The following PDSS2 variants were observed in gnomAD, a reference collection of about 807,000 sequenced individuals.
PDSS2 encodes the protein all trans-polyprenyl-diphosphate synthase PDSS2.
Under a neutral mutation model 44.5 loss-of-function variants are expected in PDSS2, and 31 were observed. The observed-to-expected ratio is 0.70, with a 90% CI of 0.52 to 0.94. The LOEUF is 0.94. Among genes scored for constraint, PDSS2 ranks in the 40% least tolerant of loss-of-function variants. PDSS2 has a pLI of 0.00. For missense variants in PDSS2, 452 were observed against 482.2 expected (o/e 0.94, Z 0.59); for synonymous variants, 157 against 180.3 (o/e 0.87, Z 1.03).
intron 1 of PDSS2, among the ~76,000 whole-genome samples, chr6:107,348,163 G>A (rs947004698): frequency 1.3e-5 from 2 of 152,212 alleles, no homozygotes; most frequent in Non-Finnish European, 2.9e-5. Flanking sequence ...ATGGGCAACA[G>A]GAGTGGCAGA....
intron 1 of PDSS2, among the ~76,000 whole-genome samples, chr6:107,416,060 T>C (rs1348345134): frequency 3.3e-5 from 5 of 152,214 alleles, no homozygotes; most frequent in African/African-American, 1.2e-4. Flanking sequence ...ATTAGAATTG[T>C]GCTAGTTCTT....
Position 107,459,370 on chromosome 6 carries a change from T to A in PDSS2, c.-85A>T. 1 of 1,138,920 alleles carries A rather than the reference T, an allele frequency of 8.8e-7. No homozygotes were observed. Among genetic ancestry groups the A allele is most frequent in the Non-Finnish European group, 1.3e-6 (1 of 770,228 alleles). 70.6% of individuals were successfully genotyped at this position (1,138,920 alleles called of 1,614,324 possible). A position where few individuals can be genotyped will look rare whatever the true frequency, so the allele number is the denominator to read the frequency against. On this transcript the variant is annotated 5_prime_UTR_variant, in exon 1 of 8. Coordinates refer to ENST00000369037, the MANE Select transcript of PDSS2 (RefSeq NM_020381.4). This position sits in a 1 kb window ranked among gnomAD's most constrained non-coding sequence, Gnocchi z 4.3. ...CCAGGGGCAGAGGAGGAACTTACAG[T>A]AACTAAAAGGAAGCGGCAATTCTTG...
intron 2 of PDSS2, among the ~76,000 whole-genome samples, chr6:107,304,513 A>G (rs1776795276): frequency 6.6e-6 from 1 of 152,232 alleles, no homozygotes; most frequent in African/African-American, 2.4e-5. Context: ...GCCTAGATTC[A>G]CATCCCAGCT....
intron 1 of PDSS2, among the ~76,000 whole-genome samples, chr6:107,363,965 G>C (rs1277399581): frequency 1.3e-5 from 2 of 151,922 alleles, no homozygotes; most frequent in African/African-American, 4.8e-5. Context: ...CAATCCTTGA[G>C]CTAGATACAG....
chr6:107,455,716 T>G (rs1782016474), intron 1 of PDSS2, among the ~76,000 whole-genome samples: 1 of 120,146 alleles, frequency 8.3e-6, no homozygotes, highest in South Asian at 2.7e-4. Flanking sequence ...ATCAGGCCAC[T>G]GGGCACTCCA....
In PDSS2 at chr6:107,203,947, A is replaced by ATT. The variant is rs57335281; in HGVS notation, c.1008+6490_1008+6491dup. 7.8e-3 allele frequency among the ~76,000 whole-genome samples: 1,131 copies of ATT among 144,386 alleles called. 9 individuals are homozygous for ATT. Among genetic ancestry groups the ATT allele is most frequent in the South Asian group, 0.021 (96 of 4,530 alleles). The allele number at this position is 144,386 out of a possible 152,430, so 94.7% of individuals were successfully genotyped here. On this transcript the variant is annotated intron_variant, in intron 6 of 7. Coordinates refer to ENST00000369037, the MANE Select transcript of PDSS2 (RefSeq NM_020381.4). ...CATCTGGCTTCTTTCACTTATTATA[A>ATT]TTTTTTTTTTTTTTGAGACAGAGTC... is the stretch of plus-strand genomic sequence containing the variant.
At chr6:107,429,901 A>AATATAT (rs869061691) in intron 1 of PDSS2, among the ~76,000 whole-genome samples, 61 of 31,738 alleles carry the variant, frequency 1.9e-3, no homozygotes, top group East Asian at 0.013. Flanking sequence ...AAAAAAAAAA[A>AATATAT]ATATATATAT....
In PDSS2 at chr6:107,274,207, AT is replaced by A; in HGVS notation, c.451del (p.Ile151SerfsTer4). 1.9e-6 allele frequency: 3 copies of A among 1,613,706 alleles called. No homozygotes were observed. Among genetic ancestry groups the A allele is most frequent in the Non-Finnish European group, 2.5e-6 (3 of 1,179,552 alleles). ...GAGAGCAATATGAATTAGCTCCGTG[AT>A]CTCTGCCAAACTTCTTTGACTAAAA... ...IYSCQRSLAE[I>X]TELIHIALLV... On this transcript the variant is annotated frameshift_variant, in exon 3 of 8. Coordinates refer to ENST00000369037, the MANE Select transcript of PDSS2 (RefSeq NM_020381.4). LOFTEE classifies it high-confidence loss of function.
At chr6:107,314,758 T>C (rs1163291328) in intron 2 of PDSS2, among the ~76,000 whole-genome samples, 2 of 152,220 alleles carry the variant, frequency 1.3e-5, no homozygotes, top group Non-Finnish European at 2.9e-5. Flanking sequence ...AGTTGCATTT[T>C]ATTTTACAGT....
chr6:107,453,695 G>A (rs141688472), intron 1 of PDSS2, among the ~76,000 whole-genome samples: 2 of 152,100 alleles, frequency 1.3e-5, no homozygotes, highest in African/African-American at 4.8e-5. Context: ...ATCCTAAAAT[G>A]TTCTAGTTTT....
intron 1 of PDSS2, among the ~76,000 whole-genome samples, chr6:107,428,411 A>G (rs1325577281): frequency 6.6e-6 from 1 of 152,240 alleles, no homozygotes; most frequent in Non-Finnish European, 1.5e-5. Flanking sequence ...GCCGTGACTA[A>G]GGCAAAGGTC....
chr6:107,365,377 A>C (rs1778931982), intron 1 of PDSS2, among the ~76,000 whole-genome samples: 1 of 152,136 alleles, frequency 6.6e-6, no homozygotes, highest in African/African-American at 2.4e-5. Context: ...CATACAGCTA[A>C]AAAAAACACA....
At chr6:107,417,104 C>A (rs943085826) in intron 1 of PDSS2, among the ~76,000 whole-genome samples, 5 of 151,940 alleles carry the variant, frequency 3.3e-5, no homozygotes, top group Admixed American at 3.3e-4. Context: ...TTTAAAGAAG[C>A]ACTTACAGCA....
intron 2 of PDSS2, among the ~76,000 whole-genome samples, chr6:107,309,383 T>C (rs929022102): frequency 3.3e-5 from 5 of 152,216 alleles, no homozygotes; most frequent in Non-Finnish European, 7.4e-5. Flanking sequence ...AAGAAAAGAA[T>C]GAAGTCAAGA....
At chr6:107,439,345 T>A (rs939475563) in intron 1 of PDSS2, among the ~76,000 whole-genome samples, 2 of 152,230 alleles carry the variant, frequency 1.3e-5, no homozygotes, top group African/African-American at 4.8e-5. Context: ...GCAACCTAGC[T>A]GTCCATCATG....
intron 1 of PDSS2, among the ~76,000 whole-genome samples, chr6:107,369,929 A>C (rs1192924862): frequency 3.3e-5 from 5 of 152,084 alleles, no homozygotes; most frequent in Non-Finnish European, 1.5e-5. Flanking sequence ...ACTCGAGCCC[A>C]GGAGGTCAGG....
chr6:107,433,535 A>G (rs1221592739), intron 1 of PDSS2, among the ~76,000 whole-genome samples: 1 of 152,266 alleles, frequency 6.6e-6, no homozygotes, highest in African/African-American at 2.4e-5. Context: ...AGTCTCTTCA[A>G]TAAGTAGTGC....
intron 2 of PDSS2, among the ~76,000 whole-genome samples, chr6:107,281,212 T>C (rs1456824417): frequency 6.6e-6 from 1 of 151,994 alleles, no homozygotes; most frequent in African/African-American, 2.4e-5. Flanking sequence ...TAAAGAGGGT[T>C]GGGGGCCCTC....
Position 107,422,788 on chromosome 6 carries a change from G to C in PDSS2, c.296+36202C>G, listed in dbSNP as rs1051389127. Among the ~76,000 whole-genome samples, 6 of 151,762 alleles carry C rather than the reference G, an allele frequency of 4.0e-5. No individual in the cohort carries two copies. In the South Asian group the frequency reaches 1.2e-3, roughly 32 times the overall value. Reference sequence around the variant, plus strand: ...GGTATCTCTGAGTAATTAAGACTAGGGTAACTTTTCGTTATATATTTCTGT... The same window carrying C: ...GGTATCTCTGAGTAATTAAGACTAGCGTAACTTTTCGTTATATATTTCTGT... On this transcript the variant is annotated intron_variant, in intron 1 of 7. Coordinates refer to ENST00000369037, the MANE Select transcript of PDSS2 (RefSeq NM_020381.4).
Sources: allele counts gnomAD v4.1 joint callset (sites outside exome capture counted in the v4.1 genomes callset), GRCh38; gene constraint gnomAD v4.1.1; non-coding constraint Gnocchi (gnomAD v3.1); transcripts MANE v1.5; gene names NCBI Gene and HGNC (gene_info 2026-07-23, HGNC 2026-07-21).